The following GAB2 variants were observed in gnomAD, a reference collection of about 807,000 sequenced individuals.
The protein encoded by GAB2 is GRB2 associated binding protein 2.
GAB2 carries 26 observed loss-of-function variants against 65.5 expected under a neutral mutation model. That is an observed-to-expected ratio of 0.40 (90% confidence interval 0.29 to 0.55). GAB2 has a LOEUF of 0.55. Ranked by LOEUF, GAB2 falls within the 20% of genes least tolerant of loss-of-function variation. The pLI is 0.53. For synonymous variants in GAB2, 321 were observed against 329.6 expected, an observed-to-expected ratio of 0.97 and a Z score of 0.28; for missense variants, 884 against 875.8, an observed-to-expected ratio of 1.01 and a Z score of -0.12.
intron 1 of GAB2, among the ~76,000 whole-genome samples, chr11:78,308,236 G>C (rs531432847): frequency 6.6e-6 from 1 of 152,288 alleles, no homozygotes; most frequent in East Asian, 1.9e-4. Context: ...TAGGTTGAAA[G>C]AGTAGAAAGA....
intron 1 of GAB2, among the ~76,000 whole-genome samples, chr11:78,320,464 G>A (rs1197861020): frequency 6.6e-6 from 1 of 152,132 alleles, no homozygotes; most frequent in Non-Finnish European, 1.5e-5. Context: ...AAGGAATTTG[G>A]ACATCATCCT....
chr11:78,352,974 T>C (rs746691547), intron 1 of GAB2, among the ~76,000 whole-genome samples: 13 of 152,196 alleles, frequency 8.5e-5, no homozygotes, highest in South Asian at 2.1e-4. Flanking sequence ...TATGGGTACA[T>C]AGAGTATTTT....
At chr11:78,387,329 G>C (rs1297076680) in intron 1 of GAB2, among the ~76,000 whole-genome samples, 1 of 152,122 alleles carries the variant, frequency 6.6e-6, no homozygotes, top group Non-Finnish European at 1.5e-5. Flanking sequence ...ACTAGCATTG[G>C]TCAAGGTTTT....
At chr11:78,377,817 TTTC>T (rs1295565468) in intron 1 of GAB2, among the ~76,000 whole-genome samples, 2 of 152,224 alleles carry the variant, frequency 1.3e-5, no homozygotes, top group African/African-American at 4.8e-5. Context: ...TCTCTCCTAC[TTTC>T]TTATTTTCCC....
At chr11:78,327,137 T>TA (rs1855836999) in intron 1 of GAB2, among the ~76,000 whole-genome samples, 1 of 152,226 alleles carries the variant, frequency 6.6e-6, no homozygotes, top group African/African-American at 2.4e-5. Flanking sequence ...CTGTGGTGGG[T>TA]ATACAGTGGG....
intron 1 of GAB2, among the ~76,000 whole-genome samples, chr11:78,346,752 A>G (rs1171363439): frequency 7.1e-6 from 1 of 141,190 alleles, no homozygotes; most frequent in African/African-American, 2.6e-5. Context: ...AAGAAACAAA[A>G]TATTCCTGCT....
intron 2 of GAB2, among the ~76,000 whole-genome samples, chr11:78,260,431 A>C (rs1322138510): frequency 6.6e-6 from 1 of 152,278 alleles, no homozygotes; most frequent in East Asian, 1.9e-4. Flanking sequence ...TCAGAGATGG[A>C]AATGCCTTGT....
At chr11:78,298,901 C>T (rs1866913528) in intron 1 of GAB2, among the ~76,000 whole-genome samples, 1 of 152,180 alleles carries the variant, frequency 6.6e-6, no homozygotes, top group Admixed American at 6.5e-5. Context: ...AAATATACAT[C>T]TGATTGTTTT....
chr11:78,306,801 T>C (rs539988530), intron 1 of GAB2, among the ~76,000 whole-genome samples: 1 of 152,368 alleles, frequency 6.6e-6, no homozygotes, highest in African/African-American at 2.4e-5. Flanking sequence ...ATTAGCTGCA[T>C]GACCCTAATG....
intron 3 of GAB2, among the ~76,000 whole-genome samples, chr11:78,236,190 C>T (rs750207932): frequency 2.6e-5 from 4 of 152,168 alleles, no homozygotes; most frequent in South Asian, 2.1e-4. Context: ...AAGTATTCCA[C>T]GTTTTCTGGT....
At chr11:78,350,421 C>T (rs1412929583) in intron 1 of GAB2, among the ~76,000 whole-genome samples, 1 of 152,192 alleles carries the variant, frequency 6.6e-6, no homozygotes, top group Non-Finnish European at 1.5e-5. Context: ...AAAGGCCCAG[C>T]GTTTCTAACC....
chr11:78,291,840 AC>A lies in GAB2; in HGVS notation c.76-10940del, dbSNP rs572348800. On this transcript the variant is annotated intron_variant, in intron 1 of 9. Coordinates refer to ENST00000361507, the MANE Select transcript of GAB2 (RefSeq NM_080491.3). ...CTCAGCATCCCAAAGTGCTGGAATT[AC>A]AGATGAGCCACTGTACCCAGCCCCT... Among the ~76,000 whole-genome samples the A allele has an allele frequency of 3.3e-5, 5 of 152,078 alleles. No individual in the cohort carries two copies. In the South Asian group the frequency reaches 1.0e-3, roughly 32 times the overall value.
At chr11:78,387,778 G>C (rs188256472) in intron 1 of GAB2, among the ~76,000 whole-genome samples, 81 of 152,276 alleles carry the variant, frequency 5.3e-4, no homozygotes, top group Admixed American at 1.9e-3. Context: ...CTAAATAGTA[G>C]AGCCAGGATT....
chr11:78,354,228 C>T (rs1362884999), intron 1 of GAB2, among the ~76,000 whole-genome samples: 1 of 152,168 alleles, frequency 6.6e-6, no homozygotes, highest in Admixed American at 6.5e-5. Flanking sequence ...TCATAATCAT[C>T]AGGTGGCAGG....
At chr11:78,364,216 T>C (rs1381417049) in intron 1 of GAB2, 1 of 152,012 alleles carries the variant, frequency 6.6e-6, no homozygotes, top group Non-Finnish European at 1.5e-5. Flanking sequence ...CCTTTCCACA[T>C]TGCTTCTGGA....
intron 1 of GAB2, among the ~76,000 whole-genome samples, chr11:78,325,069 T>C (rs1028487581): frequency 9.2e-5 from 14 of 152,166 alleles, no homozygotes; most frequent in African/African-American, 3.1e-4. Flanking sequence ...TGCTGAGAAC[T>C]TGTCATTAAA....
At chr11:78,383,079 C>A (rs1473320293) in intron 1 of GAB2, among the ~76,000 whole-genome samples, 1 of 152,050 alleles carries the variant, frequency 6.6e-6, no homozygotes, top group Non-Finnish European at 1.5e-5. Flanking sequence ...TCAAGACGAG[C>A]CTGACCAACA....
chr11:78,354,147 T>A (rs1407621820), intron 1 of GAB2, among the ~76,000 whole-genome samples: 3 of 152,218 alleles, frequency 2.0e-5, no homozygotes, highest in Non-Finnish European at 4.4e-5. Context: ...ATTGAAAGAA[T>A]GATGGCTACC....
At chr11:78,327,593 TA>T (rs1291661811) in intron 1 of GAB2, among the ~76,000 whole-genome samples, 1 of 152,144 alleles carries the variant, frequency 6.6e-6, no homozygotes, top group African/African-American at 2.4e-5. Flanking sequence ...TTCTAGAGCC[TA>T]CAGGGAGCCA....
Sources: gnomAD v4.1 joint callset for allele counts (sites outside exome capture counted in the v4.1 genomes callset) on GRCh38, gnomAD v4.1.1 for gene constraint, MANE v1.5 for transcripts, NCBI Gene and HGNC (gene_info 2026-07-23, HGNC 2026-07-21) for gene names.